The following TMTC1 variants were observed in gnomAD, a reference collection of about 807,000 sequenced individuals.
The protein encoded by TMTC1 is transmembrane O-mannosyltransferase targeting cadherins 1.
A neutral mutation model predicts 104.8 loss-of-function variants in TMTC1; 73 were observed. That is an observed-to-expected ratio of 0.70 (90% CI 0.58 to 0.85). TMTC1 has a LOEUF of 0.85. Among genes scored for constraint, TMTC1 ranks in the 40% least tolerant of loss-of-function variants. The pLI, the probability that TMTC1 is intolerant of heterozygous loss-of-function variation, is 0.00. For missense variants in TMTC1, 1,035 were observed against 1,096.1 expected (o/e 0.94, Z 0.79); for synonymous variants, 434 against 428.7 (o/e 1.01, Z -0.15).
chr12:29,728,568 T>A (rs1446202941), intron 5 of TMTC1, among the ~76,000 whole-genome samples: 1 of 152,118 alleles, frequency 6.6e-6, no homozygotes, highest in Non-Finnish European at 1.5e-5. Context: ...ACCTAAGTCC[T>A]CTATCCCTCG....
At chr12:29,673,744 C>CTTTTT (rs146463669) in intron 5 of TMTC1, among the ~76,000 whole-genome samples, 11 of 95,734 alleles carry the variant, frequency 1.1e-4, no homozygotes, top group Admixed American at 1.5e-4. Context: ...AGAGGGACTT[C>CTTTTT]TTTTTTTTTT....
intron 5 of TMTC1, among the ~76,000 whole-genome samples, chr12:29,733,999 G>A (rs1942609843): frequency 6.6e-6 from 1 of 152,052 alleles, no homozygotes; most frequent in Non-Finnish European, 1.5e-5. Flanking sequence ...AGACTTTACT[G>A]GGGAAAATGT....
At chr12:29,674,953 TTAATC>T (rs1376364919) in intron 5 of TMTC1, among the ~76,000 whole-genome samples, 1 of 152,250 alleles carries the variant, frequency 6.6e-6, no homozygotes, top group Non-Finnish European at 1.5e-5. Context: ...AGGGGCTTGT[TTAATC>T]TAATGTTTCC....
intron 5 of TMTC1, among the ~76,000 whole-genome samples, chr12:29,685,994 C>T (rs1045858009): frequency 9.3e-5 from 14 of 151,124 alleles, no homozygotes; most frequent in African/African-American, 3.2e-4. Context: ...AAAGCTCCAT[C>T]ATTATCCATT....
At chr12:29,588,774 A>C (rs1946206274) in intron 7 of TMTC1, among the ~76,000 whole-genome samples, 1 of 152,304 alleles carries the variant, frequency 6.6e-6, no homozygotes, top group Non-Finnish European at 1.5e-5. Context: ...CCTGAAATGC[A>C]CAGGGAATGT....
rs1270779507 is a variant in TMTC1 at position 29,783,561 on chromosome 12, C to G, written c.191G>C (p.Arg64Pro). 9 of 1,476,318 alleles carry G rather than the reference C, an allele frequency of 6.1e-6. No individual in the cohort carries two copies. The highest frequency in any genetic ancestry group is 8.1e-6 in the Non-Finnish European group (9 of 1,115,930). The allele number at this position is 1,476,318 out of a possible 1,614,324, so 91.5% of individuals were successfully genotyped here. A position where few individuals can be genotyped will look rare whatever the true frequency, so the allele number is the denominator to read the frequency against. Residue 64 changes from arginine to proline, a missense_variant, in exon 1 of 18, where the codon CGG becomes CCG. Physicochemically the swap from Arg to Pro is moderately radical, Grantham distance 103. Transcript: ENST00000539277. This position sits in a 1 kb window ranked among gnomAD's most constrained non-coding sequence, Gnocchi z 4.7. ...GCCCCAGCGGAGCGGGGCGCCGGGC[C>G]GCACGTCGGGGTTGTTCACGATCGC... ...VWAIVNNPDV[R>P]PGAPLRWGIF... is the part of the protein sequence containing the mutation.
chr12:29,784,115 C>T (rs1382689395), upstream of TMTC1, among the ~76,000 whole-genome samples: 3 of 152,078 alleles, frequency 2.0e-5, no homozygotes, highest in East Asian at 5.9e-4. Flanking sequence ...GGGTTCGCGG[C>T]GCGCGGCTGC....
chr12:29,636,595 G>A (rs1001986598), intron 5 of TMTC1, among the ~76,000 whole-genome samples: 2 of 152,022 alleles, frequency 1.3e-5, no homozygotes, highest in Middle Eastern at 3.2e-3. Flanking sequence ...CGAGGCGGGC[G>A]GATCACAAGG....
intron 5 of TMTC1, among the ~76,000 whole-genome samples, chr12:29,699,818 T>C (rs1350251795): frequency 6.6e-6 from 1 of 151,880 alleles, no homozygotes; most frequent in Non-Finnish European, 1.5e-5. Flanking sequence ...TTTTTACTTT[T>C]ATTTTGTAGA....
chr12:29,740,441 CT>C (rs1383259214), intron 5 of TMTC1, among the ~76,000 whole-genome samples: 1 of 152,152 alleles, frequency 6.6e-6, no homozygotes, highest in African/African-American at 2.4e-5. Flanking sequence ...CAGCCTACAT[CT>C]TTCTCCCATG....
At chr12:29,566,299 G>A (rs1281389983) in intron 9 of TMTC1, among the ~76,000 whole-genome samples, 1 of 152,210 alleles carries the variant, frequency 6.6e-6, no homozygotes, top group African/African-American at 2.4e-5. Flanking sequence ...AGTGTGTCTG[G>A]AGCCAAGTAA....
At chr12:29,572,432 T>C (rs372502502) in intron 8 of TMTC1, among the ~76,000 whole-genome samples, 3 of 152,226 alleles carry the variant, frequency 2.0e-5, no homozygotes, top group South Asian at 4.1e-4. Context: ...TATAGTGTTA[T>C]GTATAGCTGA....
intron 13 of TMTC1, among the ~76,000 whole-genome samples, chr12:29,517,866 C>T (rs1944035574): frequency 6.6e-6 from 1 of 152,152 alleles, no homozygotes; most frequent in African/African-American, 2.4e-5. Context: ...AGGTGCCCGC[C>T]ATCATGCCCG....
chr12:29,771,409 C>A (rs1019710716), intron 1 of TMTC1, among the ~76,000 whole-genome samples: 3 of 152,062 alleles, frequency 2.0e-5, no homozygotes, highest in Non-Finnish European at 4.4e-5. Flanking sequence ...TCAAAACAGA[C>A]CAAACCAGAC....
intron 6 of TMTC1, among the ~76,000 whole-genome samples, chr12:29,628,889 T>C (rs1938146098): frequency 6.6e-6 from 1 of 152,066 alleles, no homozygotes; most frequent in Non-Finnish European, 1.5e-5. Context: ...CTTGAACTCC[T>C]GGCCTCAAGT....
chr12:29,624,576 T>C (rs2136473169), intron 6 of TMTC1, among the ~76,000 whole-genome samples: 1 of 152,312 alleles, frequency 6.6e-6, no homozygotes, highest in Admixed American at 6.5e-5. Flanking sequence ...AGTACTTTCC[T>C]GCCTCAGGGA....
At chr12:29,703,868 TC>T (rs771238680) in intron 5 of TMTC1, among the ~76,000 whole-genome samples, 13 of 152,190 alleles carry the variant, frequency 8.5e-5, no homozygotes, top group Non-Finnish European at 1.6e-4. Context: ...TTTTTCCAAG[TC>T]TTCTGGCTTT....
chr12:29,573,799 G>A (rs1308112973), intron 8 of TMTC1, among the ~76,000 whole-genome samples: 2 of 152,066 alleles, frequency 1.3e-5, no homozygotes, highest in Admixed American at 6.6e-5. Context: ...AGAGTCTAAC[G>A]GGCCCTGTGA....
intron 5 of TMTC1, among the ~76,000 whole-genome samples, chr12:29,693,580 T>C (rs549181406): frequency 1.2e-3 from 178 of 152,274 alleles, no homozygotes; most frequent in Non-Finnish European, 2.1e-3. Flanking sequence ...TGTCTACTTC[T>C]GTGAGATCAA....
Sources: allele counts gnomAD v4.1 joint callset (sites outside exome capture counted in the v4.1 genomes callset), GRCh38; gene constraint gnomAD v4.1.1; non-coding constraint Gnocchi (gnomAD v3.1); transcripts MANE v1.5; gene names NCBI Gene and HGNC (gene_info 2026-07-23, HGNC 2026-07-21).